Variants in NRXN1 observed in about 807,000 individuals in gnomAD.
NRXN1 encodes the protein neurexin-1.
In NRXN1, 39 loss-of-function variants were observed where a neutral mutation model predicts 150.9. That is an observed-to-expected ratio of 0.26 (90% confidence interval 0.20 to 0.34). The LOEUF (loss-of-function observed/expected upper bound fraction) is 0.34, where lower values mean the gene tolerates loss of function less well. NRXN1 is among the 10% of genes least tolerant of loss of function. The pLI is 1.00. For missense variants in NRXN1, 1,815 were observed against 1,949.9 expected (o/e 0.93, Z 1.30); for synonymous variants, 924 against 757.0 (o/e 1.22, Z -3.62).
chr2:50,651,133 G>A (rs1286564462), intron 5 of NRXN1, among the ~76,000 whole-genome samples: 1 of 151,898 alleles, frequency 6.6e-6, no homozygotes, highest in East Asian at 1.9e-4. Context: ...TTGAAATTAA[G>A]TTCTGGAAAA....
chr2:50,716,677 G>A (rs1042136777), intron 5 of NRXN1, among the ~76,000 whole-genome samples: 1 of 152,006 alleles, frequency 6.6e-6, no homozygotes, highest in African/African-American at 2.4e-5. Flanking sequence ...CAATGTAATG[G>A]AAAAGAAATG....
intron 2 of NRXN1, among the ~76,000 whole-genome samples, chr2:50,968,010 T>C (rs775509487): frequency 6.6e-6 from 1 of 152,000 alleles, no homozygotes; most frequent in Non-Finnish European, 1.5e-5. Flanking sequence ...TATTTTAGGA[T>C]ATGGGATAAT....
chr2:50,494,900 G>A (rs150680678), intron 15 of NRXN1, among the ~76,000 whole-genome samples: 68 of 151,772 alleles, frequency 4.5e-4, no homozygotes, highest in African/African-American at 1.4e-3. Context: ...GCGTGGTGGC[G>A]GGTGCCTGTA....
intron 5 of NRXN1, among the ~76,000 whole-genome samples, chr2:50,883,914 T>C (rs1679828979): frequency 6.6e-6 from 1 of 151,760 alleles, no homozygotes; most frequent in Admixed American, 6.6e-5. Flanking sequence ...CTTTCAGGGG[T>C]GCAGTGTGTA....
intron 12 of NRXN1, among the ~76,000 whole-genome samples, chr2:50,524,472 C>A (rs2092886530): frequency 7.1e-6 from 1 of 141,688 alleles, no homozygotes; most frequent in South Asian, 2.3e-4. Context: ...GAGCAAGAGT[C>A]CATCTCATAA....
intron 17 of NRXN1, among the ~76,000 whole-genome samples, chr2:50,410,677 A>T (rs77218082): frequency 5.3e-5 from 8 of 152,156 alleles, no homozygotes; most frequent in African/African-American, 1.4e-4. Context: ...ATATTTCAGA[A>T]AAAAAAAGTA....
chr2:50,819,070 T>G (rs1032025646), intron 5 of NRXN1, among the ~76,000 whole-genome samples: 6 of 152,140 alleles, frequency 3.9e-5, no homozygotes, highest in African/African-American at 1.2e-4. Context: ...TTGTGCACTT[T>G]TGGTGAGAAT....
intron 5 of NRXN1, among the ~76,000 whole-genome samples, chr2:50,877,662 T>A (rs956431796): frequency 6.6e-6 from 1 of 151,940 alleles, no homozygotes; most frequent in Non-Finnish European, 1.5e-5. Flanking sequence ...TATAATCACT[T>A]GACTATACTA....
At chr2:50,525,423 G>C (rs1364185822) in intron 12 of NRXN1, among the ~76,000 whole-genome samples, 2 of 152,158 alleles carry the variant, frequency 1.3e-5, no homozygotes, top group East Asian at 3.9e-4. Flanking sequence ...GAAAGAAAGA[G>C]GAGGCAAGGG....
chr2:50,189,560 G>A (rs541502062), intron 18 of NRXN1, among the ~76,000 whole-genome samples: 1 of 152,044 alleles, frequency 6.6e-6, no homozygotes, highest in Non-Finnish European at 1.5e-5. Context: ...GTATTTCTTA[G>A]CTAGTATATT....
chr2:50,795,567 C>G (rs1446465001), intron 5 of NRXN1, among the ~76,000 whole-genome samples: 1 of 151,788 alleles, frequency 6.6e-6, no homozygotes, highest in Non-Finnish European at 1.5e-5. Flanking sequence ...CTTTCACCCC[C>G]TTCCTCACTC....
At chr2:50,749,185 T>C (rs1254740371) in intron 5 of NRXN1, among the ~76,000 whole-genome samples, 4 of 152,162 alleles carry the variant, frequency 2.6e-5, no homozygotes, top group Non-Finnish European at 4.4e-5. Flanking sequence ...ATTTTTTAAA[T>C]GGTTACATTC....
chr2:50,954,183 A>G (rs2104619249), intron 2 of NRXN1, among the ~76,000 whole-genome samples: 1 of 152,194 alleles, frequency 6.6e-6, no homozygotes, highest in East Asian at 1.9e-4. Context: ...CTCACTCCTT[A>G]TTTTCATTAT....
At chr2:50,869,129 C>A (rs1194113932) in intron 5 of NRXN1, among the ~76,000 whole-genome samples, 1 of 151,588 alleles carries the variant, frequency 6.6e-6, no homozygotes, top group Non-Finnish European at 1.5e-5. Context: ...TGTTTTCTTG[C>A]TGACATGTGA....
chr2:50,801,157 A>G (rs1161860308), intron 5 of NRXN1, among the ~76,000 whole-genome samples: 1 of 152,114 alleles, frequency 6.6e-6, no homozygotes, highest in Non-Finnish European at 1.5e-5. Flanking sequence ...CTGATTCACT[A>G]ATCAGGCTTA....
intron 19 of NRXN1, among the ~76,000 whole-genome samples, chr2:50,083,587 C>G (rs1246241632): frequency 1.3e-5 from 2 of 152,132 alleles, no homozygotes; most frequent in Non-Finnish European, 2.9e-5. Flanking sequence ...CCACAACACG[C>G]AAGAGGACCC....
rs753264637 is a variant in NRXN1, at chr2:50,620,073, G to A, written c.1269C>T (p.Ala423=). The part of the protein sequence containing the change: ...FFYVGGSPST[A]DLPGSPVSNN... ...TACTGACTGGTGACCCTGGAAGGTC[G>A]GCTGTGCTGGGACTGCCTCCAACAT... The change falls in exon 8 of 23, where the codon GCC becomes GCT. Residue 423 remains alanine, a synonymous_variant. Transcript: ENST00000401669. 11 of 1,612,034 alleles carry A rather than the reference G, an allele frequency of 6.8e-6. No homozygotes were observed. The highest frequency in any genetic ancestry group is 6.6e-5 in the South Asian group (6 of 90,820).
chr2:50,855,694 T>C (rs1313212930), intron 5 of NRXN1, among the ~76,000 whole-genome samples: 1 of 152,064 alleles, frequency 6.6e-6, no homozygotes, highest in Non-Finnish European at 1.5e-5. Flanking sequence ...TTTTTTCTAC[T>C]TTAAACAAAT....
chr2:50,948,904 T>C (rs375124221), intron 2 of NRXN1, among the ~76,000 whole-genome samples: 2 of 152,050 alleles, frequency 1.3e-5, no homozygotes, highest in Admixed American at 6.6e-5. Context: ...GTTTCCTGAA[T>C]AGGTATTTCC....
Sources: gnomAD v4.1 joint callset for allele counts (sites outside exome capture counted in the v4.1 genomes callset) on GRCh38, gnomAD v4.1.1 for gene constraint, MANE v1.5 for transcripts, NCBI Gene and HGNC (gene_info 2026-07-23, HGNC 2026-07-21) for gene names.